DOK6: variants seen among roughly 807,000 people sequenced by gnomAD.
The protein encoded by DOK6 is downstream of tyrosine kinase 6.
A neutral mutation model predicts 44.0 loss-of-function variants in DOK6; 22 were observed. That is an observed-to-expected ratio of 0.50 (90% CI 0.36 to 0.71). The LOEUF is 0.71. Among genes scored for constraint, DOK6 ranks in the 30% least tolerant of loss-of-function variants. DOK6 has a pLI of 0.00. For missense variants in DOK6, 340 were observed against 416.4 expected (o/e 0.82, Z 1.60); for synonymous variants, 166 against 145.5 (o/e 1.14, Z -1.01).
At chr18:69,632,148 A>C (rs1735928792) in intron 3 of DOK6, among the ~76,000 whole-genome samples, 1 of 152,162 alleles carries the variant, frequency 6.6e-6, no homozygotes, top group Admixed American at 6.5e-5. Flanking sequence ...CAGTATAAAA[A>C]CTTGGTACAT....
In DOK6 at chr18:69,694,142, G is replaced by A. The variant is rs540262154; in HGVS notation, c.410-4262G>A. On this transcript the variant is annotated intron_variant, in intron 4 of 7. Coordinates refer to ENST00000382713, the MANE Select transcript of DOK6 (RefSeq NM_152721.6). ...GACAGGGAAGATTTCAGTTCTTCTC[G>A]GCACTGATGACCCATTCAGTCCCCT... 5.4e-5 allele frequency among the ~76,000 whole-genome samples: 8 copies of A among 149,016 alleles called. No individual in the cohort carries two copies. The South Asian group carries it at 8.5e-4, about 16-fold the overall frequency.
chr18:69,621,530 G>A (rs151114856), intron 3 of DOK6, among the ~76,000 whole-genome samples: 1 of 152,284 alleles, frequency 6.6e-6, no homozygotes, highest in Non-Finnish European at 1.5e-5. Context: ...GACTGAGGAA[G>A]TTGACTTTGC....
intron 3 of DOK6, among the ~76,000 whole-genome samples, chr18:69,651,342 C>G (rs531607233): frequency 4.7e-4 from 72 of 152,234 alleles, no homozygotes; most frequent in African/African-American, 1.6e-3. Flanking sequence ...TAGATATAGT[C>G]CAATTTATGC....
chr18:69,576,539 A>C (rs1983243100), intron 2 of DOK6, among the ~76,000 whole-genome samples: 1 of 152,146 alleles, frequency 6.6e-6, no homozygotes, highest in African/African-American at 2.4e-5. Context: ...TGGAACATAC[A>C]TATTATAAGC....
intron 1 of DOK6, among the ~76,000 whole-genome samples, chr18:69,509,500 T>G (rs759610861): frequency 6.6e-6 from 1 of 151,102 alleles, no homozygotes; most frequent in South Asian, 2.1e-4. Flanking sequence ...TAGCCGGGCG[T>G]GGTGGCGGGC....
At chr18:69,606,748 T>C (rs1410744858) in intron 3 of DOK6, among the ~76,000 whole-genome samples, 1 of 130,370 alleles carries the variant, frequency 7.7e-6, no homozygotes, top group African/African-American at 2.8e-5. Context: ...AACAAAAGAT[T>C]CAAAAAGGAT....
intron 3 of DOK6, among the ~76,000 whole-genome samples, chr18:69,676,395 A>G (rs1197386542): frequency 1.3e-5 from 2 of 152,220 alleles, no homozygotes; most frequent in Non-Finnish European, 2.9e-5. Flanking sequence ...GAAAGAAAAC[A>G]TTACCCAAAT....
At chr18:69,711,160 A>G (rs112651283) in intron 5 of DOK6, among the ~76,000 whole-genome samples, 2 of 152,364 alleles carry the variant, frequency 1.3e-5, no homozygotes, top group African/African-American at 4.8e-5. Flanking sequence ...TCATATCATT[A>G]GAGGAGCAAA....
At chr18:69,680,962 ATAAC>A (rs961901123) in intron 4 of DOK6, among the ~76,000 whole-genome samples, 3 of 152,246 alleles carry the variant, frequency 2.0e-5, no homozygotes, top group Non-Finnish European at 4.4e-5. Flanking sequence ...CTCTTCAAGC[ATAAC>A]ACCTTTTAAA....
At chr18:69,744,477 T>C (rs898437199) in intron 6 of DOK6, among the ~76,000 whole-genome samples, 1 of 152,240 alleles carries the variant, frequency 6.6e-6, no homozygotes, top group South Asian at 2.1e-4. Context: ...CTGATAGTCA[T>C]GGATTGCGAT....
chr18:69,550,668 A>T (rs2364886), intron 1 of DOK6, among the ~76,000 whole-genome samples: 2,693 of 151,460 alleles, frequency 0.018, 94 homozygotes, highest in African/African-American at 0.062. Context: ...GCTAAGAGTT[A>T]TTTTACTTCA....
chr18:69,837,251 T>A (rs1264897645), intron 7 of DOK6, among the ~76,000 whole-genome samples: 1 of 152,132 alleles, frequency 6.6e-6, no homozygotes, highest in African/African-American at 2.4e-5. Flanking sequence ...GGGGCCCACA[T>A]CTAGTGAGGT....
chr18:69,835,619 T>C (rs1228279068), intron 7 of DOK6, among the ~76,000 whole-genome samples: 1 of 152,206 alleles, frequency 6.6e-6, no homozygotes, highest in African/African-American at 2.4e-5. Context: ...ATCTGCAGCC[T>C]GCCCGCTCCT....
intron 7 of DOK6, among the ~76,000 whole-genome samples, chr18:69,773,671 C>A (rs905580170): frequency 6.6e-6 from 1 of 151,860 alleles, no homozygotes; most frequent in East Asian, 1.9e-4. Flanking sequence ...AATGTGCTTA[C>A]CAGGAGCTGG....
chr18:69,600,432 C>T (rs550031852), intron 3 of DOK6, among the ~76,000 whole-genome samples: 29 of 152,164 alleles, frequency 1.9e-4, no homozygotes, highest in African/African-American at 5.8e-4. Context: ...CCATCTGTCC[C>T]GGCATATTTC....
At chr18:69,622,669 A>G (rs1294969017) in intron 3 of DOK6, among the ~76,000 whole-genome samples, 3 of 152,196 alleles carry the variant, frequency 2.0e-5, no homozygotes, top group Non-Finnish European at 4.4e-5. Context: ...CTCCTTAGAT[A>G]AAGAACTTGA....
chr18:69,548,156 T>C (rs1306933418), intron 1 of DOK6, among the ~76,000 whole-genome samples: 1 of 150,794 alleles, frequency 6.6e-6, no homozygotes, highest in East Asian at 1.9e-4. Flanking sequence ...GGTTTCACGG[T>C]GTTAGCCAGG....
At chr18:69,742,532 G>A (rs1978840135) in intron 6 of DOK6, among the ~76,000 whole-genome samples, 1 of 152,136 alleles carries the variant, frequency 6.6e-6, no homozygotes, top group African/African-American at 2.4e-5. Context: ...ATAATTAGAA[G>A]TGAATGTCTT....
intron 2 of DOK6, among the ~76,000 whole-genome samples, chr18:69,591,478 C>T (rs1430262435): frequency 6.6e-6 from 1 of 152,122 alleles, no homozygotes; most frequent in African/African-American, 2.4e-5. Flanking sequence ...TGAGTGCTTA[C>T]TGAAAATTTG....
Sources: allele counts gnomAD v4.1 joint callset (sites outside exome capture counted in the v4.1 genomes callset), GRCh38; gene constraint gnomAD v4.1.1; transcripts MANE v1.5; gene names NCBI Gene and HGNC (gene_info 2026-07-23, HGNC 2026-07-21).